SNX33: variants seen among roughly 807,000 people sequenced by gnomAD.
SNX33 encodes the protein sorting nexin 33.
A neutral mutation model predicts 38.8 loss-of-function variants in SNX33; 19 were observed. The observed-to-expected ratio is 0.49, with a 90% confidence interval of 0.34 to 0.72. The LOEUF (loss-of-function observed/expected upper bound fraction) is 0.72. Ranked by LOEUF, SNX33 falls within the 30% of genes least tolerant of loss-of-function variation. The probability of loss-of-function intolerance (pLI) is 0.01; values close to 1 mark genes in which losing one functional copy is unlikely to be tolerated. For synonymous variants in SNX33, 246 were observed against 289.7 expected (o/e 0.85, Z 1.53); for missense variants, 641 against 776.4 (o/e 0.83, Z 2.07).
rs140542401 is a variant in SNX33, at chr15:75,657,098, G to C, written c.1608G>C (p.Gln536His). ...ALQAEMNHFHQRRELDFKHMM... is the reference protein window; with the variant it reads ...ALQAEMNHFHHRRELDFKHMM... ...AGGCCGAGATGAACCACTTCCACCA[G>C]CGCCGTGAGCTCGACTTCAAGCACA... The change falls in exon 2 of 2, where the codon CAG becomes CAC. Residue 536 changes from glutamine (Q) to histidine (H), a missense_variant. Coordinates refer to ENST00000308527, the MANE Select transcript of SNX33 (RefSeq NM_153271.2). This position sits in a 1 kb window ranked among gnomAD's most constrained non-coding sequence, Gnocchi z 5.5. 963 of 1,614,186 alleles carry C rather than the reference G, an allele frequency of 6.0e-4. 7 individuals carry two copies. The African/African-American group carries it at 0.011, about 19-fold the overall frequency.
Position 75,657,341 on chromosome 15 carries a change from C to T in SNX33, c.*126C>T. The T allele has an allele frequency of 6.8e-7, 1 of 1,478,828 alleles. No homozygotes were observed. Among genetic ancestry groups the T allele is most frequent in the Admixed American group, 1.9e-5 (1 of 52,782 alleles). The allele number at this position is 1,478,828 out of a possible 1,614,324, so 91.6% of individuals were successfully genotyped here. On this transcript the variant is annotated 3_prime_UTR_variant, in exon 2 of 2. Transcript: ENST00000308527. The surrounding 1 kb of genome is among the most constrained non-coding windows in gnomAD (Gnocchi z 5.5). ...GCGGTGGGGGAGATAAGCGGCCTGT[C>T]CTGCCTCCTGGGAGAAGGAGCTTTC...
At chr15:75,654,755 C>T (rs1233374241) in intron 1 of SNX33, among the ~76,000 whole-genome samples, 1 of 152,202 alleles carries the variant, frequency 6.6e-6, no homozygotes, top group Non-Finnish European at 1.5e-5. Flanking sequence ...TAACGGAGAA[C>T]AGGGTGGGGC....
chr15:75,653,654 G>A lies in SNX33; in HGVS notation c.1471+3081G>A, dbSNP rs371128034. Among the ~76,000 whole-genome samples, 11 of 152,270 alleles carry A rather than the reference G, an allele frequency of 7.2e-5. No homozygotes were observed. In the East Asian group the frequency reaches 1.9e-3, roughly 27 times the overall value. On this transcript the variant is annotated intron_variant, in intron 1 of 1. Transcript: ENST00000308527. Reference sequence around the variant, plus strand: ...GCGAAAGAGGAGGGAGGAAGGCTTGGGTGCTCCTTCACTGGTCCTGTGGGC... The same window carrying A: ...GCGAAAGAGGAGGGAGGAAGGCTTGAGTGCTCCTTCACTGGTCCTGTGGGC...
At chr15:75,652,374 C>T (rs1198817975) in intron 1 of SNX33, among the ~76,000 whole-genome samples, 1 of 152,232 alleles carries the variant, frequency 6.6e-6, no homozygotes, top group Non-Finnish European at 1.5e-5. Flanking sequence ...CTGGTTCAAC[C>T]AGCTCCTTAG....
rs1893545743 is a variant in SNX33, at chr15:75,649,563, A to T, written c.461A>T (p.Gln154Leu). Reference sequence around the variant, plus strand: ...TCCTACCCTGGTGCCTACCCCAGCCAGCACATGGCCTTCCGGCCCAAGCCA... The same window carrying T: ...TCCTACCCTGGTGCCTACCCCAGCCTGCACATGGCCTTCCGGCCCAAGCCA... ...NLSYPGAYPS[Q>L]HMAFRPKPPL... Residue 154 changes from glutamine to leucine, a missense_variant, in exon 1 of 2, where the codon CAG (glutamine) becomes CTG (leucine). By Grantham distance (113) the Gln-to-Leu change is moderately radical. This residue lies in a region of SNX33 where 243 missense variants were observed against 233.9 expected (regional missense o/e 1.04). Transcript: ENST00000308527. This position sits in a 1 kb window ranked among gnomAD's most constrained non-coding sequence, Gnocchi z 6.6. 1 of 1,613,546 alleles carries T rather than the reference A, an allele frequency of 6.2e-7. No homozygotes were observed. Among genetic ancestry groups the T allele is most frequent in the Non-Finnish European group, 8.5e-7 (1 of 1,179,780 alleles).
chr15:75,655,327 G>T (rs1424971288), intron 1 of SNX33, among the ~76,000 whole-genome samples: 1 of 152,246 alleles, frequency 6.6e-6, no homozygotes, highest in Non-Finnish European at 1.5e-5. Context: ...TAGCTCTGAA[G>T]TCTCTTACTG....
intron 1 of SNX33, among the ~76,000 whole-genome samples, chr15:75,656,185 T>C (rs570512188): frequency 1.3e-5 from 2 of 151,614 alleles, no homozygotes; most frequent in South Asian, 4.2e-4. Context: ...ATCAGCAGTG[T>C]GATGGGGGTG....
rs1225457539 is a variant in SNX33, at chr15:75,661,546, T to C, written c.*4331T>C. On this transcript the variant is annotated 3_prime_UTR_variant, in exon 2 of 2. Transcript: ENST00000308527. This position sits in a 1 kb window ranked among gnomAD's most constrained non-coding sequence, Gnocchi z 4.5. ...CATAGTTGAACACAAACTTTTTTTTTCTTTTGGTTTGGTTTTGTTTTGTTG... is the reference window on the plus strand; with the variant it reads ...CATAGTTGAACACAAACTTTTTTTTCCTTTTGGTTTGGTTTTGTTTTGTTG... 2.6e-5 allele frequency: 4 copies of C among 152,186 alleles called. No homozygotes were observed. Among genetic ancestry groups the C allele is most frequent in the African/African-American group, 9.7e-5 (4 of 41,424 alleles). 9.4% of individuals were successfully genotyped at this position (152,186 alleles called of 1,614,324 possible). A position where few individuals can be genotyped will look rare whatever the true frequency, so the allele number is the denominator to read the frequency against.
rs955865923 is a variant in SNX33, at chr15:75,657,337, C to T, written c.*122C>T. On this transcript the variant is annotated 3_prime_UTR_variant, in exon 2 of 2. Transcript: ENST00000308527. This position sits in a 1 kb window ranked among gnomAD's most constrained non-coding sequence, Gnocchi z 5.5. ...GTCAGCGGTGGGGGAGATAAGCGGC[C>T]TGTCCTGCCTCCTGGGAGAAGGAGC... 1 of 1,486,460 alleles carries T rather than the reference C, an allele frequency of 6.7e-7. No homozygotes were observed. The highest frequency in any genetic ancestry group is 1.4e-5 in the African/African-American group (1 of 72,176). The allele number at this position is 1,486,460 out of a possible 1,614,324, so 92.1% of individuals were successfully genotyped here.
intron 1 of SNX33, among the ~76,000 whole-genome samples, chr15:75,655,938 T>C (rs1055110944): frequency 1.3e-5 from 2 of 152,210 alleles, no homozygotes; most frequent in South Asian, 4.1e-4. Flanking sequence ...CCCACTGGCT[T>C]AAAGGCAGAA....
rs1342917683 is a variant in SNX33 at position 75,660,581 on chromosome 15, C to T, written c.*3366C>T. 6.5e-6 allele frequency: 1 copy of T among 152,772 alleles called. No homozygotes were observed. Among genetic ancestry groups the T allele is most frequent in the African/African-American group, 2.4e-5 (1 of 41,358 alleles). 9.5% of individuals were successfully genotyped at this position (152,772 alleles called of 1,614,324 possible). On this transcript the variant is annotated 3_prime_UTR_variant, in exon 2 of 2. Coordinates refer to ENST00000308527, the MANE Select transcript of SNX33 (RefSeq NM_153271.2). ...ACAGTCATACTGCCACACGCTATTA[C>T]ACATTCACAGCCACAGCCACACATG...
Position 75,648,955 on chromosome 15 carries a change from TG to T in SNX33, c.-145del. ...AGAGGGGGAGACTGGACAGCATCTG[TG>T]GGTGCTGAGACCCCACCTTAGGACC... is the stretch of plus-strand genomic sequence containing the variant. On this transcript the variant is annotated 5_prime_UTR_variant, in exon 1 of 2. It introduces an in-frame stop codon into an upstream open reading frame of the 5' UTR. Coordinates refer to ENST00000308527, the MANE Select transcript of SNX33 (RefSeq NM_153271.2). This position sits in a 1 kb window ranked among gnomAD's most constrained non-coding sequence, Gnocchi z 4.4. The T allele has an allele frequency of 1.1e-6, 1 of 944,290 alleles. No homozygotes were observed. Among genetic ancestry groups the T allele is most frequent in the Non-Finnish European group, 1.5e-6 (1 of 655,830 alleles). 58.5% of individuals were successfully genotyped at this position (944,290 alleles called of 1,614,324 possible).
chr15:75,649,461 G>A lies in SNX33; in HGVS notation c.359G>A (p.Trp120Ter), dbSNP rs762631861. The A allele has an allele frequency of 6.5e-7, 1 of 1,537,556 alleles. No individual in the cohort carries two copies. Among genetic ancestry groups the A allele is most frequent in the Admixed American group, 2.0e-5 (1 of 50,404 alleles). ...GATGATGATGATGACTGGGATGACTGGGACGACGGATGCACAGTGGTGGAG... is the reference window on the plus strand; with the variant it reads ...GATGATGATGATGACTGGGATGACTAGGACGACGGATGCACAGTGGTGGAG... ...EEDDDDDWDD[W>*]DDGCTVVEEP... is the part of the protein sequence containing the mutation. The change falls in exon 1 of 2, where the codon TGG becomes TAG. Residue 120 changes from tryptophan (W) to a stop codon, truncating the protein, a stop_gained. Transcript: ENST00000308527. LOFTEE classifies it high-confidence loss of function. The surrounding 1 kb of genome is among the most constrained non-coding windows in gnomAD (Gnocchi z 6.6).
rs761956277 is a variant in SNX33 at position 75,650,771 on chromosome 15, A to AT, written c.1471+199dup. ...CACTTTGGGAGGTTGAAGTAGGAGGATCACTTGGGCCCAGGAGGTTGAGAC... is the reference window on the plus strand; with the variant it reads ...CACTTTGGGAGGTTGAAGTAGGAGGATTCACTTGGGCCCAGGAGGTTGAGAC... On this transcript the variant is annotated intron_variant, in intron 1 of 1. Coordinates refer to ENST00000308527, the MANE Select transcript of SNX33 (RefSeq NM_153271.2). This position sits in a 1 kb window ranked among gnomAD's most constrained non-coding sequence, Gnocchi z 6.1. Among the ~76,000 whole-genome samples, 2 of 152,168 alleles carry AT rather than the reference A, an allele frequency of 1.3e-5. No homozygotes were observed. Among genetic ancestry groups the AT allele is most frequent in the Non-Finnish European group, 2.9e-5 (2 of 68,042 alleles).
In SNX33 at chr15:75,648,625, A is replaced by G. The variant is rs945547544; in HGVS notation, c.-478A>G. 6 of 854,952 alleles carry G rather than the reference A, an allele frequency of 7.0e-6. No homozygotes were observed. Among genetic ancestry groups the G allele is most frequent in the Non-Finnish European group, 7.0e-6 (5 of 710,930 alleles). 53.0% of individuals were successfully genotyped at this position (854,952 alleles called of 1,614,324 possible). On this transcript the variant is annotated 5_prime_UTR_variant, in exon 1 of 2. Coordinates refer to ENST00000308527, the MANE Select transcript of SNX33 (RefSeq NM_153271.2). The surrounding 1 kb of genome is among the most constrained non-coding windows in gnomAD (Gnocchi z 4.4). ...GAGCCTCCCAAAGCGAGAGCCGCCA[A>G]AAGAATCTGGGAGCCAGAGGGACAG...
chr15:75,648,361 C>T lies in SNX33; in HGVS notation c.-742C>T. ...CTGGGGCGGGGAGAGGGCGCCCGAG[C>T]CGGCGGGGGCTCCGGCTGCGCAGCC... On this transcript the variant is annotated 5_prime_UTR_variant, in exon 1 of 2. Transcript: ENST00000308527. This position sits in a 1 kb window ranked among gnomAD's most constrained non-coding sequence, Gnocchi z 4.4. 1.0e-6 allele frequency: 1 copy of T among 985,248 alleles called. No homozygotes were observed. The highest frequency in any genetic ancestry group is 1.2e-6 in the Non-Finnish European group (1 of 829,920). 61.0% of individuals were successfully genotyped at this position (985,248 alleles called of 1,614,324 possible). A position where few individuals can be genotyped will look rare whatever the true frequency, so the allele number is the denominator to read the frequency against.
In SNX33 at chr15:75,649,526, C is replaced by T; in HGVS notation, c.424C>T (p.Pro142Ser). The change falls in exon 1 of 2, where the codon CCC becomes TCC. Residue 142 changes from proline to serine, a missense_variant. Pro to Ser is a moderately conservative substitution (Grantham distance 74). This residue lies in a region of SNX33 where 243 missense variants were observed against 233.9 expected (regional missense o/e 1.04). Coordinates refer to ENST00000308527, the MANE Select transcript of SNX33 (RefSeq NM_153271.2). The surrounding 1 kb of genome is among the most constrained non-coding windows in gnomAD (Gnocchi z 6.6). ...AGGLGTNGHP[P>S]LNLSYPGAYP... ...TGGGCTGGGCACCAACGGGCACCCT[C>T]CCCTCAACCTCTCCTACCCTGGTGC... The T allele has an allele frequency of 6.3e-7, 1 of 1,596,142 alleles. No homozygotes were observed. The highest frequency in any genetic ancestry group is 2.2e-5 in the East Asian group (1 of 44,530).
intron 1 of SNX33, among the ~76,000 whole-genome samples, chr15:75,653,792 A>G (rs1893615395): frequency 6.6e-6 from 1 of 152,168 alleles, no homozygotes; most frequent in Non-Finnish European, 1.5e-5. Context: ...GGGTGGGTTC[A>G]GCCTCTGGGT....
chr15:75,651,444 TGG>T (rs1199502561), intron 1 of SNX33, among the ~76,000 whole-genome samples: 58 of 152,152 alleles, frequency 3.8e-4, no homozygotes, highest in African/African-American at 1.3e-3. Flanking sequence ...ACCCCCTCTG[TGG>T]GGGAGGGACA....
Sources: allele counts gnomAD v4.1 joint callset (sites outside exome capture counted in the v4.1 genomes callset), GRCh38; gene constraint gnomAD v4.1.1; regional missense constraint gnomAD v4.1.1; non-coding constraint Gnocchi (gnomAD v3.1); transcripts MANE v1.5; gene names NCBI Gene and HGNC (gene_info 2026-07-23, HGNC 2026-07-21).